The following FAF1 variants were observed in gnomAD, a reference collection of about 807,000 sequenced individuals.
FAF1 encodes Fas associated factor 1, also known as FAS-associated factor 1.
Under a neutral mutation model 92.5 loss-of-function variants are expected in FAF1, and 25 were observed. That is an observed-to-expected ratio of 0.27 (90% confidence interval 0.20 to 0.38). The LOEUF (loss-of-function observed/expected upper bound fraction) is 0.38, where lower values mean the gene tolerates loss of function less well. Among genes scored for constraint, FAF1 ranks in the 10% least tolerant of loss-of-function variants. The pLI is 1.00. For synonymous variants in FAF1, 234 were observed against 273.2 expected, an observed-to-expected ratio of 0.86 and a Z score of 1.42; for missense variants, 636 against 793.3, an observed-to-expected ratio of 0.80 and a Z score of 2.38.
intron 4 of FAF1, among the ~76,000 whole-genome samples, chr1:50,782,519 T>C (rs1661214665): frequency 6.6e-6 from 1 of 151,900 alleles, no homozygotes; most frequent in Non-Finnish European, 1.5e-5. Flanking sequence ...CTCAGCAAGG[T>C]GTTATAAAAA....
At chr1:50,743,164 T>A (rs1019291933) in intron 5 of FAF1, among the ~76,000 whole-genome samples, 3 of 152,178 alleles carry the variant, frequency 2.0e-5, no homozygotes, top group Non-Finnish European at 4.4e-5. Flanking sequence ...CTTATCTGTA[T>A]CTTGCCAACC....
intron 6 of FAF1, among the ~76,000 whole-genome samples, chr1:50,728,945 T>G (rs1195552380): frequency 6.7e-6 from 1 of 148,268 alleles, no homozygotes; most frequent in African/African-American, 2.5e-5. Context: ...GATAGTAGAA[T>G]AGATACAGGG....
intron 2 of FAF1, among the ~76,000 whole-genome samples, chr1:50,813,427 G>C (rs898846406): frequency 2.0e-5 from 3 of 152,000 alleles, no homozygotes; most frequent in Non-Finnish European, 4.4e-5. Flanking sequence ...CCAAAAATGA[G>C]ATCTTACTAT....
intron 7 of FAF1, among the ~76,000 whole-genome samples, chr1:50,696,413 T>C (rs1657227631): frequency 6.6e-6 from 1 of 152,198 alleles, no homozygotes; most frequent in Non-Finnish European, 1.5e-5. Context: ...ATTAGTCAAA[T>C]CACATTTATT....
chr1:50,700,889 G>A (rs541893140), intron 7 of FAF1, among the ~76,000 whole-genome samples: 3 of 152,120 alleles, frequency 2.0e-5, no homozygotes, highest in Admixed American at 1.3e-4. Context: ...CCAAAGAGCT[G>A]CATTATAAAT....
intron 7 of FAF1, among the ~76,000 whole-genome samples, chr1:50,670,148 T>C (rs988759871): frequency 6.7e-6 from 1 of 148,930 alleles, no homozygotes; most frequent in Non-Finnish European, 1.5e-5. Context: ...AAAAAAAAAA[T>C]TAAACTTTAA....
chr1:50,568,454 A>G (rs1403564993), intron 12 of FAF1, among the ~76,000 whole-genome samples: 3 of 152,144 alleles, frequency 2.0e-5, no homozygotes, highest in Non-Finnish European at 2.9e-5. Flanking sequence ...AATAATAGTA[A>G]TAGTAATCAT....
intron 4 of FAF1, chr1:50,780,639 C>A: frequency 4.8e-6 from 1 of 208,096 alleles, no homozygotes; most frequent in South Asian, 8.1e-5. Flanking sequence ...TGTCTCTAGC[C>A]AGCTTCCTCA....
chr1:50,675,833 A>G (rs957422661), intron 7 of FAF1, among the ~76,000 whole-genome samples: 1 of 152,236 alleles, frequency 6.6e-6, no homozygotes, highest in Non-Finnish European at 1.5e-5. Context: ...AATGATAAAG[A>G]TATCAATAAG....
At chr1:50,702,037 G>T (rs1256441751) in intron 7 of FAF1, among the ~76,000 whole-genome samples, 2 of 151,972 alleles carry the variant, frequency 1.3e-5, no homozygotes, top group African/African-American at 4.8e-5. Flanking sequence ...GTTATTCTGG[G>T]TCATGTGTAT....
intron 1 of FAF1, among the ~76,000 whole-genome samples, chr1:50,886,091 C>A (rs907909042): frequency 2.0e-5 from 3 of 152,026 alleles, no homozygotes; most frequent in African/African-American, 4.8e-5. Flanking sequence ...ATATTTTAGT[C>A]CTTCTATTTG....
intron 4 of FAF1, among the ~76,000 whole-genome samples, chr1:50,786,723 A>G (rs957707640): frequency 2.0e-5 from 3 of 152,234 alleles, no homozygotes; most frequent in Non-Finnish European, 2.9e-5. Flanking sequence ...CCTATTTGGT[A>G]AACTGAAATA....
intron 17 of FAF1, among the ~76,000 whole-genome samples, chr1:50,490,064 A>G (rs1557966301): frequency 6.6e-6 from 1 of 152,188 alleles, no homozygotes; most frequent in Non-Finnish European, 1.5e-5. Flanking sequence ...TGTAAGAAAT[A>G]TTAACAGTTT....
At chr1:50,677,152 T>A (rs1656158343) in intron 7 of FAF1, among the ~76,000 whole-genome samples, 1 of 152,166 alleles carries the variant, frequency 6.6e-6, no homozygotes, top group Non-Finnish European at 1.5e-5. Flanking sequence ...ATGGGTAACT[T>A]CACTTAGTAA....
At chr1:50,515,995 C>G (rs1647214086) in intron 15 of FAF1, among the ~76,000 whole-genome samples, 1 of 152,110 alleles carries the variant, frequency 6.6e-6, no homozygotes, top group South Asian at 2.1e-4. Context: ...TGATTATTTA[C>G]TAGATGTCAG....
chr1:50,722,362 T>C (rs1190862731), intron 6 of FAF1, among the ~76,000 whole-genome samples: 11 of 152,102 alleles, frequency 7.2e-5, no homozygotes, highest in Admixed American at 6.6e-4. Context: ...TTAAGAGCAC[T>C]ATAAGGCCGG....
At chr1:50,535,154 T>C (rs1351769588) in intron 15 of FAF1, among the ~76,000 whole-genome samples, 5 of 152,080 alleles carry the variant, frequency 3.3e-5, no homozygotes, top group Non-Finnish European at 7.4e-5. Flanking sequence ...AAAGTGTAAA[T>C]AGTACATAAA....
intron 4 of FAF1, among the ~76,000 whole-genome samples, chr1:50,770,174 T>G (rs1191996007): frequency 2.0e-5 from 3 of 152,142 alleles, no homozygotes; most frequent in African/African-American, 7.2e-5. Flanking sequence ...GTTAGAAGCA[T>G]TCCCCTTGAA....
intron 18 of FAF1, among the ~76,000 whole-genome samples, chr1:50,453,919 C>T (rs527871613): frequency 6.6e-6 from 1 of 152,284 alleles, no homozygotes; most frequent in African/African-American, 2.4e-5. Flanking sequence ...AACTGCAAAC[C>T]TGCCTCCTGA....
Sources: allele counts gnomAD v4.1 joint callset (sites outside exome capture counted in the v4.1 genomes callset), GRCh38; gene constraint gnomAD v4.1.1; transcripts MANE v1.5; gene names NCBI Gene and HGNC (gene_info 2026-07-23, HGNC 2026-07-21).